Variants in PIGN observed in about 807,000 individuals in gnomAD.
PIGN encodes the protein GPI ethanolamine phosphate transferase 1.
Under a neutral mutation model 125.4 loss-of-function variants are expected in PIGN, and 117 were observed. The ratio of observed to expected loss-of-function variants is 0.93; its 90% CI spans 0.80 to 1.09. The LOEUF (loss-of-function observed/expected upper bound fraction) is 1.09, where lower values mean the gene tolerates loss of function less well. Ranked by LOEUF, PIGN falls within the 50% of genes least tolerant of loss-of-function variation. PIGN has a pLI of 0.00. For missense variants in PIGN, 1,075 were observed against 1,094.9 expected (o/e 0.98, Z 0.26); for synonymous variants, 392 against 377.8 (o/e 1.04, Z -0.44).
At chr18:62,162,099 T>G (rs2036974499) in intron 3 of PIGN, among the ~76,000 whole-genome samples, 154 bp downstream of exon 3, 1 of 152,186 alleles carries the variant, frequency 6.6e-6, no homozygotes. Context: ...AAAAATGTTT[T>G]GTGCACACAT....
At position 62,107,283 on chromosome 18, in the gene PIGN, T is replaced by C. The variant is rs2034685621; in HGVS notation, c.1575-198A>G. Among the ~76,000 whole-genome samples the C allele has an allele frequency of 3.3e-5, 5 of 152,054 alleles. No individual in the cohort carries two copies. The South Asian group carries it at 1.0e-3, about 31-fold the overall frequency. ...TAATCTAGAAGTATTTTAGGGAAAA[T>C]GTAATTTCTGAATTAATTTGAAAAC... On this transcript the variant is annotated intron_variant, in intron 17 of 30. Transcript: ENST00000640252.
At chr18:62,118,002 T>G (rs901932251) in intron 14 of PIGN, among the ~76,000 whole-genome samples, 2 of 152,144 alleles carry the variant, frequency 1.3e-5, no homozygotes, top group African/African-American at 2.4e-5. Context: ...TTGGATTGAT[T>G]CCATATTTTA....
At chr18:62,090,346 A>T in intron 24 of PIGN, 130 bp downstream of exon 24, 1 of 578,888 alleles carries the variant, frequency 1.7e-6, no homozygotes, top group South Asian at 2.3e-5. Context: ...TTAATTATTA[A>T]TGCCAAACAA....
intron 23 of PIGN, among the ~76,000 whole-genome samples, chr18:62,024,202 G>A (rs1355320106): frequency 6.6e-6 from 1 of 152,186 alleles, no homozygotes; most frequent in Non-Finnish European, 1.5e-5. Flanking sequence ...CTACGAACAA[G>A]TAAATCAAAA....
chr18:62,062,778 G>A (rs1477920850), intron 30 of PIGN, among the ~76,000 whole-genome samples: 1 of 151,684 alleles, frequency 6.6e-6, no homozygotes, highest in Non-Finnish European at 1.5e-5. Flanking sequence ...AGTACCGGGT[G>A]GTGGTGGTTA....
intron 1 of PIGN, among the ~76,000 whole-genome samples, chr18:62,185,882 C>T (rs2037938601): frequency 6.6e-6 from 1 of 152,152 alleles, no homozygotes; most frequent in Non-Finnish European, 1.5e-5. Flanking sequence ...AATCAAAACT[C>T]TCTGAAGCAT....
intron 1 of PIGN, among the ~76,000 whole-genome samples, chr18:62,183,122 C>G (rs547973403): frequency 3.3e-5 from 5 of 152,234 alleles, no homozygotes; most frequent in Non-Finnish European, 7.4e-5. Flanking sequence ...AAAATGATAA[C>G]TATGTGTAAG....
At chr18:62,094,585 G>C (rs1454942701) in intron 23 of PIGN, among the ~76,000 whole-genome samples, 2 of 152,070 alleles carry the variant, frequency 1.3e-5, no homozygotes, top group African/African-American at 4.8e-5. Flanking sequence ...TATTTATCCT[G>C]AAATTTCACT....
chr18:62,180,612 A>G (rs568607141), intron 1 of PIGN, among the ~76,000 whole-genome samples: 3 of 152,202 alleles, frequency 2.0e-5, no homozygotes, highest in Non-Finnish European at 2.9e-5. Flanking sequence ...AAATTTTTTC[A>G]TGTTTTTATT....
At chr18:62,050,176 G>A (rs1221888627) in intron 30 of PIGN, among the ~76,000 whole-genome samples, 257 of 141,888 alleles carry the variant, frequency 1.8e-3, no homozygotes, top group East Asian at 2.3e-3. Flanking sequence ...TTGACTTGGC[G>A]ATGCGGGCTC....
At chr18:62,145,465 C>T (rs1008581746) in intron 10 of PIGN, among the ~76,000 whole-genome samples, 1 of 152,150 alleles carries the variant, frequency 6.6e-6, no homozygotes, top group Non-Finnish European at 1.5e-5. Context: ...TCAGTACTAC[C>T]TCTTGCTTTT....
intron 22 of PIGN, among the ~76,000 whole-genome samples, chr18:62,096,154 G>T (rs994984712): frequency 3.3e-5 from 5 of 152,114 alleles, no homozygotes; most frequent in Admixed American, 2.0e-4. Flanking sequence ...AATTAGCTGG[G>T]TGTGGTGGCA....
chr18:62,176,882 G>A (rs2037543187), intron 1 of PIGN, among the ~76,000 whole-genome samples: 1 of 151,978 alleles, frequency 6.6e-6, no homozygotes, highest in Non-Finnish European at 1.5e-5. Context: ...TTTACATTAG[G>A]TGAAGTTGAG....
At chr18:62,126,290 T>C (rs1422260091) in intron 14 of PIGN, among the ~76,000 whole-genome samples, 1 of 152,160 alleles carries the variant, frequency 6.6e-6, no homozygotes, top group East Asian at 1.9e-4. Flanking sequence ...TTCTACATTC[T>C]GCCAGATAAA....
chr18:62,109,847 C>T lies in PIGN; in HGVS notation c.1561G>A (p.Ala521Thr), dbSNP rs2146504434. The T allele has an allele frequency of 6.2e-7, 1 of 1,611,656 alleles. No homozygotes were observed. Among genetic ancestry groups the T allele is most frequent in the Non-Finnish European group, 8.5e-7 (1 of 1,178,608 alleles). The change falls in exon 17 of 31, where the codon GCG becomes ACG. Residue 521 changes from alanine (A) to threonine (T), a missense_variant. By Grantham distance (58) the Ala-to-Thr change is moderately conservative. Coordinates refer to ENST00000640252, the MANE Select transcript of PIGN (RefSeq NM_176787.5). ...TGCATTACTTACTCTCTTAGAACCG[C>T]ATACCATATTGGCAGTGGCAACAAA... Reference protein sequence around the residue: ...YGLLPLPIWYAVLREFQVIQD... With the variant: ...YGLLPLPIWYTVLREFQVIQD...
intron 14 of PIGN, among the ~76,000 whole-genome samples, chr18:62,120,650 ATGTGCCCAAAATGCT>A (rs1310642168): frequency 2.0e-5 from 3 of 152,090 alleles, no homozygotes; most frequent in Non-Finnish European, 4.4e-5. Flanking sequence ...TAAACTAATA[ATGTGCCCAAAATGCT>A]TGTCATAATC....
intron 13 of PIGN, among the ~76,000 whole-genome samples, chr18:62,138,748 CAT>C (rs2147142507): frequency 6.6e-6 from 1 of 152,152 alleles, no homozygotes; most frequent in East Asian, 1.9e-4. Context: ...TCTTTGTAAG[CAT>C]ATGTGGTAAT....
At chr18:62,088,612 T>G in intron 25 of PIGN, 144 bp downstream of exon 25, 1 of 558,556 alleles carries the variant, frequency 1.8e-6, no homozygotes, top group East Asian at 3.3e-5. Flanking sequence ...ATTTTTAATG[T>G]GAATTACATG....
chr18:62,037,595 GCTCTGTGTTC>G (rs1194650308), downstream of PIGN, among the ~76,000 whole-genome samples: 3 of 152,246 alleles, frequency 2.0e-5, no homozygotes, highest in Admixed American at 2.0e-4. Context: ...GCGGGTCCAT[GCTCTGTGTTC>G]CTCTGCTCTA....
Sources: allele counts gnomAD v4.1 joint callset (sites outside exome capture counted in the v4.1 genomes callset), GRCh38; gene constraint gnomAD v4.1.1; transcripts MANE v1.5; gene names NCBI Gene and HGNC (gene_info 2026-07-23, HGNC 2026-07-21).